PATJ: variants seen among roughly 807,000 people sequenced by gnomAD.
PATJ encodes the protein PATJ crumbs cell polarity complex component, also known as inaD-like protein.
Under a neutral mutation model 224.9 loss-of-function variants are expected in PATJ, and 190 were observed. The ratio of observed to expected loss-of-function variants is 0.84; its 90% CI spans 0.75 to 0.95. The LOEUF is 0.95. PATJ is among the 40% of genes least tolerant of loss of function. The pLI is 0.00. For missense variants in PATJ, 2,121 were observed against 2,270.3 expected, an observed-to-expected ratio of 0.93 and a Z score of 1.34; for synonymous variants, 769 against 820.3, an observed-to-expected ratio of 0.94 and a Z score of 1.07.
Position 61,990,260 on chromosome 1 carries a change from GGTAATAA to G in PATJ, c.3764_3770del (p.Gly1255GlufsTer6). ...GAATGGACTTGGACTCAGCCTTGCT[GGTAATAA>G]AGACCGATCACGCATGAGCATATTT... On this transcript the variant is annotated frameshift_variant, in exon 28 of 44. Transcript: ENST00000642238. LOFTEE classifies it high-confidence loss of function. The G allele has an allele frequency of 1.9e-6, 3 of 1,613,976 alleles. No homozygotes were observed. Among genetic ancestry groups the G allele is most frequent in the Non-Finnish European group, 2.5e-6 (3 of 1,179,914 alleles).
intron 27 of PATJ, among the ~76,000 whole-genome samples, chr1:61,947,191 C>G (rs935935169): frequency 1.3e-5 from 2 of 152,096 alleles, no homozygotes; most frequent in Non-Finnish European, 2.9e-5. Context: ...CACTCCTATT[C>G]AATATAGTGT....
At chr1:61,879,304 C>T (rs111867258) in intron 21 of PATJ, among the ~76,000 whole-genome samples, 2,242 of 152,070 alleles carry the variant, frequency 0.015, 26 homozygotes, top group Non-Finnish European at 0.024. Context: ...GGGGTAATGG[C>T]ACAGATGGCA....
chr1:61,835,742 T>C (rs1413576334), intron 17 of PATJ, among the ~76,000 whole-genome samples: 1 of 152,044 alleles, frequency 6.6e-6, no homozygotes, highest in Non-Finnish European at 1.5e-5. Context: ...ATGAACAAAT[T>C]TAATGGGAAT....
chr1:61,787,804 C>T lies in PATJ; in HGVS notation c.900C>T (p.Asn300=), dbSNP rs756597467. The change falls in exon 8 of 44, where the codon AAC becomes AAT. Residue 300 remains asparagine (N), a synonymous_variant. Transcript: ENST00000642238. ...ACATCTTGAAGATTGGTGGCACAAA[C>T]GTGCAGGGAATGACCAGTGAGCAAG... is the stretch of plus-strand genomic sequence containing the variant. ...GDHILKIGGT[N]VQGMTSEQVA... is the part of the protein sequence containing the mutation. 8.7e-6 allele frequency: 14 copies of T among 1,614,004 alleles called. No homozygotes were observed. Among genetic ancestry groups the T allele is most frequent in the Admixed American group, 6.7e-5 (4 of 59,996 alleles).
chr1:62,146,542 G>A (rs150425108), intron 41 of PATJ, among the ~76,000 whole-genome samples: 5,222 of 152,204 alleles, frequency 0.034, 107 homozygotes, highest in Non-Finnish European at 0.046. Flanking sequence ...CTGGGAGGCC[G>A]AGGCAGGCAG....
intron 27 of PATJ, among the ~76,000 whole-genome samples, chr1:61,969,813 C>A (rs1682691655): frequency 1.3e-5 from 2 of 152,130 alleles, no homozygotes; most frequent in African/African-American, 4.8e-5. Flanking sequence ...CGTGCCTCAG[C>A]CGCCTGAGTA....
At chr1:61,786,146 C>CGA (rs1218119380) in intron 7 of PATJ, among the ~76,000 whole-genome samples, 20 of 152,290 alleles carry the variant, frequency 1.3e-4, no homozygotes, top group African/African-American at 4.6e-4. Flanking sequence ...CTCAGCCTCC[C>CGA]GAGTAGTTGA....
rs145889064 is a variant in PATJ, at chr1:62,086,917, G to C, written c.4377+2269G>C. Among the ~76,000 whole-genome samples the C allele has an allele frequency of 6.6e-6, 1 of 152,016 alleles. No homozygotes were observed. The highest frequency in any genetic ancestry group is 2.1e-4 in the South Asian group (1 of 4,810). On this transcript the variant is annotated intron_variant, in intron 33 of 43. Transcript: ENST00000642238. This position sits in a 1 kb window ranked among gnomAD's most constrained non-coding sequence, Gnocchi z 4.0. ...GGCCAGACCAGGTAGGGGTGCCTGCGACCCCTGAAGCCCCAGAGAGTGTGT... is the reference window on the plus strand; with the variant it reads ...GGCCAGACCAGGTAGGGGTGCCTGCCACCCCTGAAGCCCCAGAGAGTGTGT...
intron 27 of PATJ, among the ~76,000 whole-genome samples, chr1:61,929,417 ATTG>A (rs113132620): frequency 0.13 from 19,027 of 152,138 alleles, 1,600 homozygotes; most frequent in Middle Eastern, 0.21. Context: ...GCCTCATAGT[ATTG>A]TTGTGACAAT....
chr1:61,886,819 C>CAAAAAAAAAAAAAAAAAAAA lies in PATJ; in HGVS notation c.3131+2423_3131+2424insAAAAAAAAAAAAAAAAAAAA, dbSNP rs35950461. 7.4e-3 allele frequency among the ~76,000 whole-genome samples: 645 copies of CAAAAAAAAAAAAAAAAAAAA among 87,436 alleles called. 182 individuals are homozygous for CAAAAAAAAAAAAAAAAAAAA. The highest frequency in any genetic ancestry group is 0.014 in the African/African-American group (354 of 24,950). The allele number at this position is 87,436 out of a possible 152,430, so 57.4% of individuals were successfully genotyped here. On this transcript the variant is annotated intron_variant, in intron 22 of 43. Transcript: ENST00000642238. ...TGGGCAACAGAGCAAGACCCCATCTCAAAAAAAAAAAATTAGCCTGTTGTG... is the reference window on the plus strand; with the variant it reads ...TGGGCAACAGAGCAAGACCCCATCTCAAAAAAAAAAAAAAAAAAAAAAAAAAAAAAAATTAGCCTGTTGTG...
intron 5 of PATJ, among the ~76,000 whole-genome samples, chr1:61,770,349 T>C (rs1646527874): frequency 6.6e-6 from 1 of 152,184 alleles, no homozygotes; most frequent in Admixed American, 6.6e-5. Flanking sequence ...TCCTAGGCTA[T>C]CTTTAGGATG....
At chr1:61,948,802 T>C (rs1173853911) in intron 27 of PATJ, among the ~76,000 whole-genome samples, 1 of 152,110 alleles carries the variant, frequency 6.6e-6, no homozygotes, top group Non-Finnish European at 1.5e-5. Flanking sequence ...TAGCAAAGAC[T>C]TGGAACCAAC....
At position 62,116,647 on chromosome 1, in the gene PATJ, G is replaced by A; in HGVS notation, c.4771G>A (p.Ala1591Thr). 2 of 1,613,176 alleles carry A rather than the reference G, an allele frequency of 1.2e-6. No individual in the cohort carries two copies. The highest frequency in any genetic ancestry group is 1.7e-6 in the Non-Finnish European group (2 of 1,179,684). ...TGTGAATGGGGAGGACATGAGAAAT[G>A]CCTCACAGGAGACAGTGGCCACCAT... is the stretch of plus-strand genomic sequence containing the variant. ...LSVNGEDMRN[A>T]SQETVATILK... is the part of the protein sequence containing the mutation. Residue 1591 changes from alanine (A) to threonine (T), a missense_variant, in exon 36 of 44, where the codon GCC becomes ACC. By Grantham distance (58) the Ala-to-Thr change is moderately conservative (BLOSUM62 0). Transcript: ENST00000642238.
chr1:61,805,182 A>G (rs1653283049), intron 12 of PATJ, among the ~76,000 whole-genome samples: 1 of 152,186 alleles, frequency 6.6e-6, no homozygotes. Flanking sequence ...ATAACTCATC[A>G]CGTCCTCTTT....
intron 22 of PATJ, among the ~76,000 whole-genome samples, chr1:61,897,802 A>C (rs1670586680): frequency 9.5e-6 from 1 of 105,222 alleles, no homozygotes; most frequent in African/African-American, 3.0e-5. Context: ...TATTTATGGA[A>C]GAAGGGGAGA....
At chr1:61,978,726 A>T (rs1445406687) in intron 27 of PATJ, among the ~76,000 whole-genome samples, 1 of 152,050 alleles carries the variant, frequency 6.6e-6, no homozygotes, top group Non-Finnish European at 1.5e-5. Context: ...GTTATATTTG[A>T]TGTATAGAAG....
rs1553187676 is a variant in PATJ, at chr1:61,875,290, T to C, written c.2883T>C (p.Thr961=). 12 of 1,608,868 alleles carry C rather than the reference T, an allele frequency of 7.5e-6. No homozygotes were observed. Among genetic ancestry groups the C allele is most frequent in the Non-Finnish European group, 6.8e-6 (8 of 1,175,808 alleles). The change falls in exon 21 of 44, where the codon ACT becomes ACC. Residue 961 remains threonine (T), a synonymous_variant. Coordinates refer to ENST00000642238, the MANE Select transcript of PATJ (RefSeq NM_001350145.3). ...VMESLPSVPS[T]EGNSQQGRFD... Reference sequence around the variant, plus strand: ...AGTCCCTACCATCTGTACCATCAACTGAAGGAAACAGTCAACAAGGCAGAT... The same window carrying C: ...AGTCCCTACCATCTGTACCATCAACCGAAGGAAACAGTCAACAAGGCAGAT...
chr1:61,909,127 G>A (rs1571235339), intron 25 of PATJ, among the ~76,000 whole-genome samples: 1 of 151,812 alleles, frequency 6.6e-6, no homozygotes, highest in South Asian at 2.1e-4. Flanking sequence ...TTACAAGCAT[G>A]TGCCACCATG....
chr1:61,871,539 G>GTGTA (rs1322719608), intron 20 of PATJ, among the ~76,000 whole-genome samples: 65 of 51,462 alleles, frequency 1.3e-3, no homozygotes, highest in East Asian at 2.5e-3. Context: ...GTGTGTGTGT[G>GTGTA]TATATATATA....
Sources: allele counts gnomAD v4.1 joint callset (sites outside exome capture counted in the v4.1 genomes callset), GRCh38; gene constraint gnomAD v4.1.1; non-coding constraint Gnocchi (gnomAD v3.1); transcripts MANE v1.5; gene names NCBI Gene and HGNC (gene_info 2026-07-23, HGNC 2026-07-21).